ZFHX3: variants seen among roughly 807,000 people sequenced by gnomAD.
ZFHX3 encodes zinc finger homeobox protein 3.
ZFHX3 carries 42 observed loss-of-function variants against 279.1 expected under a neutral mutation model. The observed-to-expected ratio is 0.15, with a 90% CI of 0.12 to 0.19. The LOEUF is 0.19. Ranked by LOEUF, ZFHX3 falls within the 10% of genes least tolerant of loss-of-function variation. The pLI, the probability that ZFHX3 is intolerant of heterozygous loss-of-function variation, is 1.00. For synonymous variants in ZFHX3, 2,293 were observed against 1,957.8 expected (o/e 1.17, Z -4.52); for missense variants, 4,981 against 4,754.0 (o/e 1.05, Z -1.40).
chr16:73,630,405 A>G (rs1365789557), intron 2 of ZFHX3, among the ~76,000 whole-genome samples: 1 of 152,212 alleles, frequency 6.6e-6, no homozygotes, highest in Admixed American at 6.5e-5. Flanking sequence ...AAAATTAAAT[A>G]CATAGGGTTT....
At chr16:72,996,246 T>C (rs780150057) in intron 1 of ZFHX3, among the ~76,000 whole-genome samples, 2 of 152,184 alleles carry the variant, frequency 1.3e-5, no homozygotes, top group African/African-American at 4.8e-5. Context: ...CTCGTGCCAC[T>C]GCACTCCAGC....
intron 2 of ZFHX3, among the ~76,000 whole-genome samples, chr16:73,559,744 C>G (rs77457960): frequency 0.028 from 4,199 of 152,226 alleles, 131 homozygotes; most frequent in African/African-American, 0.079. Flanking sequence ...GACTCTGGCT[C>G]TACCCTGTCT....
intron 2 of ZFHX3, among the ~76,000 whole-genome samples, chr16:73,548,683 T>C (rs183080251): frequency 3.3e-5 from 5 of 152,060 alleles, no homozygotes; most frequent in African/African-American, 1.2e-4. Flanking sequence ...ACATGGTATA[T>C]ACAACGTATT....
At chr16:72,917,017 T>C (rs1008935856) in intron 3 of ZFHX3, among the ~76,000 whole-genome samples, 5 of 152,048 alleles carry the variant, frequency 3.3e-5, no homozygotes, top group South Asian at 2.1e-4. Flanking sequence ...GGCAGGTGGA[T>C]TGCTTGAGCC....
chr16:72,839,204 C>A (rs1474887073), intron 4 of ZFHX3, among the ~76,000 whole-genome samples: 1 of 151,956 alleles, frequency 6.6e-6, no homozygotes, highest in African/African-American at 2.4e-5. Context: ...TTCCCCCCCC[C>A]ATTTTCCAGT....
chr16:73,634,854 T>C (rs920122380), intron 2 of ZFHX3, among the ~76,000 whole-genome samples: 1 of 152,168 alleles, frequency 6.6e-6, no homozygotes, highest in African/African-American at 2.4e-5. Context: ...AGGATATCTG[T>C]ATAACTATTA....
chr16:72,919,857 G>T (rs185083599), intron 3 of ZFHX3, among the ~76,000 whole-genome samples: 1 of 122,892 alleles, frequency 8.1e-6, no homozygotes, highest in Non-Finnish European at 1.6e-5. Context: ...GCAGTGGCAC[G>T]ATCTCAGCTC....
intron 1 of ZFHX3, among the ~76,000 whole-genome samples, chr16:73,834,363 A>G (rs534736845): frequency 9.8e-5 from 15 of 152,322 alleles, no homozygotes; most frequent in African/African-American, 3.6e-4. Context: ...TGTAGAGTAA[A>G]CTGTCTGGTA....
chr16:72,832,029 A>G (rs774857159), intron 4 of ZFHX3, among the ~76,000 whole-genome samples: 1 of 152,342 alleles, frequency 6.6e-6, no homozygotes, highest in South Asian at 2.1e-4. Context: ...TCTCTAGTGC[A>G]TACATATGAC....
At chr16:73,483,337 C>CAG (rs1267626419) in intron 2 of ZFHX3, 2 of 412,114 alleles carry the variant, frequency 4.9e-6, no homozygotes, top group Non-Finnish European at 9.4e-6. Flanking sequence ...GAGTGAGAGA[C>CAG]AGAGAGAGAG....
chr16:72,845,477 G>A (rs2037455044), intron 4 of ZFHX3, among the ~76,000 whole-genome samples: 2 of 152,268 alleles, frequency 1.3e-5, no homozygotes, highest in African/African-American at 4.8e-5. Flanking sequence ...CAGGGCTGCA[G>A]CCACGCCCGG....
rs574011119 is a variant in ZFHX3, at chr16:73,867,351, G to A, written c.-1608+24300C>T. ...GGGGTACAGCCAGATCCTGAGCTGG[G>A]TTCTGCTTCACTCACCCATGCACCT... On this transcript the variant is annotated intron_variant, in intron 1 of 17. Transcript: ENST00000641206. Among the ~76,000 whole-genome samples the A allele has an allele frequency of 1.1e-3, 165 of 152,314 alleles. 3 individuals are homozygous for A. The South Asian group carries it at 0.032, about 29-fold the overall frequency.
intron 2 of ZFHX3, among the ~76,000 whole-genome samples, chr16:73,559,677 G>T (rs1479609683): frequency 6.6e-6 from 1 of 152,150 alleles, no homozygotes; most frequent in East Asian, 1.9e-4. Flanking sequence ...TTCTATATTT[G>T]AGTCAAACAT....
chr16:73,353,845 T>A (rs577215556), intron 3 of ZFHX3, among the ~76,000 whole-genome samples: 1 of 152,230 alleles, frequency 6.6e-6, no homozygotes, highest in African/African-American at 2.4e-5. Context: ...AATATTGTTA[T>A]TTTTATTTAT....
At chr16:73,703,492 CA>C (rs559259813) in intron 1 of ZFHX3, among the ~76,000 whole-genome samples, 11,652 of 141,860 alleles carry the variant, frequency 0.082, 518 homozygotes, top group African/African-American at 0.14. Flanking sequence ...AAGAGAAAGC[CA>C]AAAAAAAAAA....
chr16:73,006,432 G>A (rs942392954), intron 1 of ZFHX3, among the ~76,000 whole-genome samples: 1 of 151,974 alleles, frequency 6.6e-6, no homozygotes, highest in African/African-American at 2.4e-5. Context: ...AGACCAGCCT[G>A]GACAACATAG....
chr16:73,790,446 G>A (rs906548188), intron 1 of ZFHX3, among the ~76,000 whole-genome samples: 1 of 152,176 alleles, frequency 6.6e-6, no homozygotes, highest in Non-Finnish European at 1.5e-5. Context: ...CTTGTAAAAT[G>A]TGAAAAGGTG....
chr16:73,159,013 G>A (rs1967162706), intron 5 of ZFHX3, among the ~76,000 whole-genome samples: 1 of 152,034 alleles, frequency 6.6e-6, no homozygotes, highest in African/African-American at 2.4e-5. Context: ...CTGGACATAG[G>A]AACAGGCAAA....
chr16:73,156,603 T>C (rs1967090751), intron 5 of ZFHX3, among the ~76,000 whole-genome samples: 1 of 152,210 alleles, frequency 6.6e-6, no homozygotes, highest in Non-Finnish European at 1.5e-5. Flanking sequence ...TCACACAAGC[T>C]GCAGTGCAGT....
Sources: gnomAD v4.1 joint callset for allele counts (sites outside exome capture counted in the v4.1 genomes callset) on GRCh38, gnomAD v4.1.1 for gene constraint, MANE v1.5 for transcripts, NCBI Gene and HGNC (gene_info 2026-07-23, HGNC 2026-07-21) for gene names.